The following WWC1 variants were observed in gnomAD, a reference collection of about 807,000 sequenced individuals.
WWC1 encodes WW and C2 domain containing 1.
A neutral mutation model predicts 138.4 loss-of-function variants in WWC1; 55 were observed. The ratio of observed to expected loss-of-function variants is 0.40; its 90% CI spans 0.32 to 0.50. The LOEUF (loss-of-function observed/expected upper bound fraction) is 0.50. Among genes scored for constraint, WWC1 ranks in the 20% least tolerant of loss-of-function variants. The probability of loss-of-function intolerance (pLI) is 0.72; values close to 1 mark genes in which losing one functional copy is unlikely to be tolerated. For synonymous variants in WWC1, 524 were observed against 564.9 expected (o/e 0.93, Z 1.03); for missense variants, 1,226 against 1,420.4 (o/e 0.86, Z 2.20).
At chr5:168,424,090 G>T (rs763612847) in intron 11 of WWC1, 22 bp downstream of exon 11, 3 of 1,559,066 alleles carry the variant, frequency 1.9e-6, no homozygotes, top group Non-Finnish European at 2.6e-6. Context: ...CATACCCAGA[G>T]GGTGGGAACC....
intron 1 of WWC1, among the ~76,000 whole-genome samples, chr5:168,332,496 A>T (rs1162056386): frequency 2.0e-5 from 3 of 152,190 alleles, no homozygotes; most frequent in Non-Finnish European, 4.4e-5. Flanking sequence ...ATGTGTATGT[A>T]TTTGATCAGC....
At chr5:168,398,549 A>G (rs749324007) in intron 4 of WWC1, among the ~76,000 whole-genome samples, 65 of 152,322 alleles carry the variant, frequency 4.3e-4, no homozygotes, top group Non-Finnish European at 5.4e-4. Context: ...TCTTATTTTA[A>G]TTACTTCATG....
intron 15 of WWC1, among the ~76,000 whole-genome samples, chr5:168,433,283 C>G (rs1426914151): frequency 1.3e-5 from 2 of 152,226 alleles, no homozygotes; most frequent in African/African-American, 2.4e-5. Context: ...GGAGCAGAAC[C>G]TGAGATTCTG....
chr5:168,406,970 G>A (rs34522882), intron 6 of WWC1, among the ~76,000 whole-genome samples: 18,505 of 149,128 alleles, frequency 0.12, 1,205 homozygotes, highest in Non-Finnish European at 0.13. Flanking sequence ...TAAATAAAGA[G>A]AGAGAGAGAG....
At chr5:168,294,382 C>T (rs2152734508) in intron 1 of WWC1, among the ~76,000 whole-genome samples, 1 of 152,134 alleles carries the variant, frequency 6.6e-6, no homozygotes, top group African/African-American at 2.4e-5. Context: ...CTAGTTATAT[C>T]TATTGTCATA....
intron 9 of WWC1, among the ~76,000 whole-genome samples, chr5:168,418,858 AG>A (rs1561737310): frequency 1.3e-5 from 2 of 152,084 alleles, no homozygotes; most frequent in African/African-American, 4.8e-5. Context: ...TTGAAAGTCA[AG>A]GATTTTGTTT....
intron 1 of WWC1, among the ~76,000 whole-genome samples, chr5:168,350,979 C>G (rs1291551989): frequency 6.6e-6 from 1 of 152,064 alleles, no homozygotes; most frequent in Admixed American, 6.5e-5. Context: ...AACCCTGTCT[C>G]TACTAAAAAC....
chr5:168,339,345 C>T (rs1369506504), intron 1 of WWC1, among the ~76,000 whole-genome samples: 4 of 152,062 alleles, frequency 2.6e-5, no homozygotes, highest in Non-Finnish European at 5.9e-5. Context: ...TAGCTAGTTG[C>T]CTTGGGGGAA....
At chr5:168,463,897 T>C (rs959734102) in intron 20 of WWC1, among the ~76,000 whole-genome samples, 1 of 152,178 alleles carries the variant, frequency 6.6e-6, no homozygotes, top group African/African-American at 2.4e-5. Flanking sequence ...AAGATGACCA[T>C]GATCAGTCCC....
chr5:168,450,920 G>C (rs572472434), intron 17 of WWC1, among the ~76,000 whole-genome samples: 1 of 152,094 alleles, frequency 6.6e-6, no homozygotes, highest in Non-Finnish European at 1.5e-5. Context: ...AGAGAAAATC[G>C]TGCAGTCCAC....
chr5:168,448,170 C>A (rs914704381), intron 17 of WWC1, among the ~76,000 whole-genome samples: 11 of 152,136 alleles, frequency 7.2e-5, no homozygotes, highest in African/African-American at 2.7e-4. Flanking sequence ...GTGGGGCAAA[C>A]CATCTGCGGC....
At chr5:168,465,018 G>A (rs1757138347) in intron 21 of WWC1, 56 bp downstream of exon 21, 13 of 1,584,778 alleles carry the variant, frequency 8.2e-6, no homozygotes, top group Middle Eastern at 2.2e-4. Context: ...AGAGTCGGGG[G>A]GCACTGCCCC....
At chr5:168,346,401 C>T (rs1013519586) in intron 1 of WWC1, among the ~76,000 whole-genome samples, 3 of 152,172 alleles carry the variant, frequency 2.0e-5, no homozygotes, top group Non-Finnish European at 2.9e-5. Context: ...TCCTCCCCTG[C>T]TCAGCTCCTC....
chr5:168,409,111 C>A (rs1306541238), intron 7 of WWC1, among the ~76,000 whole-genome samples: 3 of 152,182 alleles, frequency 2.0e-5, no homozygotes, highest in African/African-American at 7.2e-5. Context: ...AAGCTCAGTC[C>A]AGTCCTAGTT....
At chr5:168,341,699 A>G (rs1423169293) in intron 1 of WWC1, among the ~76,000 whole-genome samples, 3 of 111,330 alleles carry the variant, frequency 2.7e-5, no homozygotes, top group Non-Finnish European at 6.5e-5. Flanking sequence ...TCATTTGCTG[A>G]TTTAAAAAAA....
intron 9 of WWC1, among the ~76,000 whole-genome samples, chr5:168,419,864 T>A (rs1780950223): frequency 6.6e-6 from 1 of 152,132 alleles, no homozygotes; most frequent in Non-Finnish European, 1.5e-5. Context: ...AGGGCTGAGA[T>A]ATGGTCCAAA....
At position 168,462,822 on chromosome 5, in the gene WWC1, G is replaced by A. The variant is rs192756725; in HGVS notation, c.2917-1907G>A. On this transcript the variant is annotated intron_variant, in intron 20 of 22. Transcript: ENST00000265293. Reference sequence around the variant, plus strand: ...CTACCTGAGCTGTGTTGTCTCTACCGCAGCCTGCCCAACTTCTGAGACTGG... The same window carrying A: ...CTACCTGAGCTGTGTTGTCTCTACCACAGCCTGCCCAACTTCTGAGACTGG... Among the ~76,000 whole-genome samples the A allele has an allele frequency of 2.6e-5, 4 of 152,304 alleles. No homozygotes were observed. In the East Asian group the frequency reaches 7.7e-4, roughly 29 times the overall value.
At chr5:168,386,807 G>A (rs749808869) in intron 3 of WWC1, among the ~76,000 whole-genome samples, 2 of 151,950 alleles carry the variant, frequency 1.3e-5, no homozygotes, top group East Asian at 3.9e-4. Context: ...GAGCCACCAC[G>A]TCCAGCTAAG....
chr5:168,309,501 C>G (rs903910685), intron 1 of WWC1, among the ~76,000 whole-genome samples: 29 of 152,264 alleles, frequency 1.9e-4, no homozygotes, highest in Admixed American at 3.9e-4. Flanking sequence ...CTACCCAGCC[C>G]CCTCTCCACA....
Sources: gnomAD v4.1 joint callset for allele counts (sites outside exome capture counted in the v4.1 genomes callset) on GRCh38, gnomAD v4.1.1 for gene constraint, MANE v1.5 for transcripts, NCBI Gene and HGNC (gene_info 2026-07-23, HGNC 2026-07-21) for gene names.